PBRM1: variants seen among roughly 807,000 people sequenced by gnomAD.
PBRM1 encodes the protein polybromo 1, also known as protein polybromo-1.
In PBRM1, 27 loss-of-function variants were observed where a neutral mutation model predicts 194.5. The ratio of observed to expected loss-of-function variants is 0.14; its 90% CI spans 0.10 to 0.19. The LOEUF (loss-of-function observed/expected upper bound fraction) is 0.19. Among genes scored for constraint, PBRM1 ranks in the 10% least tolerant of loss-of-function variants. PBRM1 has a pLI of 1.00. For missense variants in PBRM1, 1,466 were observed against 2,077.2 expected (o/e 0.71, Z 5.72); for synonymous variants, 655 against 693.2 (o/e 0.94, Z 0.87).
chr3:52,553,107 G>A (rs765374356), intron 27 of PBRM1, among the ~76,000 whole-genome samples: 1 of 152,174 alleles, frequency 6.6e-6, no homozygotes, highest in Non-Finnish European at 1.5e-5. Flanking sequence ...TCACTGGTAG[G>A]TCCAACACTG....
chr3:52,557,330 C>G (rs969295094), intron 26 of PBRM1, among the ~76,000 whole-genome samples: 3 of 152,126 alleles, frequency 2.0e-5, no homozygotes, highest in East Asian at 1.9e-4. Context: ...CCTTAAAAAG[C>G]AAAAACGAAA....
rs2153419364 is a variant in PBRM1 at position 52,609,454 on chromosome 3, G to A, written c.2426C>T (p.Ala809Val). 8 of 1,614,048 alleles carry A rather than the reference G, an allele frequency of 5.0e-6. No homozygotes were observed. Among genetic ancestry groups the A allele is most frequent in the Non-Finnish European group, 5.9e-6 (7 of 1,179,926 alleles). The change falls in exon 16 of 30, where the codon GCT (alanine) becomes GTT (valine). Residue 809 changes from alanine (A) to valine (V), a missense_variant. By Grantham distance (64) the Ala-to-Val change is moderately conservative. Transcript: ENST00000296302. The surrounding 1 kb of genome is among the most constrained non-coding windows in gnomAD (Gnocchi z 4.1). ...TTTGTTAGGAAAGTTGGGATCCACA[G>A]CAGGAATTTCTGCTAAAGAATCGCT...
In PBRM1 at chr3:52,676,129, AAAAAAAAAAAAAAAAAAAAAAAAT is replaced by A. The variant is rs1227401614; in HGVS notation, c.236+2347_236+2370del. Among the ~76,000 whole-genome samples the A allele has an allele frequency of 1.9e-4, 6 of 31,956 alleles. 1 individual carries two copies. The highest frequency in any genetic ancestry group is 6.5e-4 in the East Asian group (1 of 1,544). 21.0% of individuals were successfully genotyped at this position (31,956 alleles called of 152,430 possible). A position where few individuals can be genotyped will look rare whatever the true frequency, so the allele number is the denominator to read the frequency against. The stretch of plus-strand genomic sequence containing the variant: ...GACTCCGTCTCAAAAAAAAAAAAAA[AAAAAAAAAAAAAAAAAAAAAAAAT>A]AATGAATGAAGCGGGATCCTTACCT... On this transcript the variant is annotated intron_variant, in intron 2 of 29. Transcript: ENST00000296302.
chr3:52,641,214 C>T (rs1341591426), intron 10 of PBRM1, among the ~76,000 whole-genome samples: 4 of 151,386 alleles, frequency 2.6e-5, no homozygotes, highest in East Asian at 1.9e-4. Flanking sequence ...ATTCGGAGGC[C>T]GAGGCAGGTG....
chr3:52,556,459 T>C (rs1376089829), intron 26 of PBRM1, among the ~76,000 whole-genome samples: 1 of 152,204 alleles, frequency 6.6e-6, no homozygotes, highest in East Asian at 1.9e-4. Context: ...TAGGGTTAAG[T>C]AGGCGGGAAA....
intron 5 of PBRM1, among the ~76,000 whole-genome samples, chr3:52,655,386 T>C (rs2096590318): frequency 2.0e-5 from 3 of 152,206 alleles, no homozygotes. Flanking sequence ...AGTTCATCCA[T>C]GTAGGATGTT....
chr3:52,677,408 C>CTTTTT (rs71087007), intron 2 of PBRM1, among the ~76,000 whole-genome samples: 1,988 of 110,638 alleles, frequency 0.018, 332 homozygotes, highest in African/African-American at 0.083. Context: ...CCATGCTCGG[C>CTTTTT]TTTTTTTTTT....
In PBRM1 at chr3:52,609,603, T is replaced by G. The variant is rs578211281; in HGVS notation, c.2277A>C (p.Thr759=). ...CCTCATCTCCCTCCAGGTCTCTGCG[T>G]GTTTCAAGCAGGACTTTGTGTAGAA... The change falls in exon 16 of 30, where the codon ACA becomes ACC. Residue 759 remains threonine (T), a synonymous_variant. Coordinates refer to ENST00000296302, the Ensembl canonical transcript of PBRM1. This position sits in a 1 kb window ranked among gnomAD's most constrained non-coding sequence, Gnocchi z 4.1. The G allele has an allele frequency of 6.2e-7, 1 of 1,613,150 alleles. No individual in the cohort carries two copies. The highest frequency in any genetic ancestry group is 2.2e-5 in the East Asian group (1 of 44,874).
At chr3:52,611,234 CAA>C (rs1292293562) in intron 15 of PBRM1, among the ~76,000 whole-genome samples, 1 of 152,130 alleles carries the variant, frequency 6.6e-6, no homozygotes. Context: ...TTAGATAAGG[CAA>C]AGTTTCTCTA....
At chr3:52,589,193 T>C in exon 18 of PBRM1, 1 of 1,602,402 alleles carries the variant, frequency 6.2e-7, no homozygotes, top group Non-Finnish European at 8.5e-7. Context: ...CAGTCCTGGC[T>C]GTATGTGCGA....
intron 7 of PBRM1, among the ~76,000 whole-genome samples, chr3:52,647,609 TAC>T (rs1356436316): frequency 1.3e-5 from 2 of 151,360 alleles, no homozygotes; most frequent in African/African-American, 4.9e-5. Flanking sequence ...GTAAATAAAA[TAC>T]AGTGTATATC....
intron 29 of PBRM1, 37 bp from the exon 32 acceptor site, chr3:52,548,272 T>A: frequency 6.6e-7 from 1 of 1,516,346 alleles, no homozygotes; most frequent in South Asian, 1.3e-5. Flanking sequence ...AAATTAGAAT[T>A]TTAAGTTGGC....
At chr3:52,558,571 A>C (rs2153459321) in intron 25 of PBRM1, among the ~76,000 whole-genome samples, 158 bp from the exon 28 acceptor site, 1 of 152,314 alleles carries the variant, frequency 6.6e-6, no homozygotes, top group South Asian at 2.1e-4. Flanking sequence ...AGTCGGGCCG[A>C]TTTCACTTGG....
At chr3:52,592,987 A>C (rs1375762979) in intron 17 of PBRM1, among the ~76,000 whole-genome samples, 1 of 152,080 alleles carries the variant, frequency 6.6e-6, no homozygotes, top group Admixed American at 6.6e-5. Context: ...TGTATTTCTG[A>C]GGGGTCAGTG....
At chr3:52,631,297 CCTTT>C (rs1287806070) in intron 11 of PBRM1, among the ~76,000 whole-genome samples, 2 of 151,164 alleles carry the variant, frequency 1.3e-5, no homozygotes, top group Non-Finnish European at 2.9e-5. Context: ...ATGGCAAAAC[CCTTT>C]CTCTATTAAA....
intron 22 of PBRM1, among the ~76,000 whole-genome samples, chr3:52,572,129 G>GA (rs10634292): frequency 0.11 from 11,915 of 109,242 alleles, 946 homozygotes; most frequent in African/African-American, 0.24. Context: ...TAATATTTTT[G>GA]AAAAAAAAAA....
chr3:52,678,006 C>G (rs972168710), intron 2 of PBRM1, among the ~76,000 whole-genome samples: 1 of 151,864 alleles, frequency 6.6e-6, no homozygotes, highest in African/African-American at 2.4e-5. Context: ...GTAGCTGGGT[C>G]TATAGGTGAG....
At chr3:52,682,927 C>T (rs71299614), upstream of PBRM1, among the ~76,000 whole-genome samples, 5 of 151,954 alleles carry the variant, frequency 3.3e-5, no homozygotes, top group African/African-American at 7.3e-5. Context: ...TAGCTGGGTG[C>T]GGTGGCTCAT....
intron 29 of PBRM1, 64 bp from the exon 32 acceptor site, chr3:52,548,299 C>G: frequency 2.3e-6 from 3 of 1,286,712 alleles, no homozygotes; most frequent in Non-Finnish European, 3.2e-6. Context: ...TCCCTCAGTT[C>G]TAAGGTCTGA....
Sources: gnomAD v4.1 joint callset for allele counts (sites outside exome capture counted in the v4.1 genomes callset) on GRCh38, gnomAD v4.1.1 for gene constraint, Gnocchi (gnomAD v3.1) non-coding constraint, MANE v1.5 for transcripts, NCBI Gene and HGNC (gene_info 2026-07-23, HGNC 2026-07-21) for gene names.